Variants in NR0B2 observed in about 807,000 individuals in gnomAD.
NR0B2 encodes nuclear receptor subfamily 0 group B member 2.
A neutral mutation model predicts 18.9 loss-of-function variants in NR0B2; 17 were observed. The observed-to-expected ratio is 0.90, with a 90% CI of 0.62 to 1.35. The LOEUF is 1.35. Among genes scored for constraint, NR0B2 ranks in the 40% most tolerant of loss-of-function variants. NR0B2 has a pLI of 0.00. For missense variants in NR0B2, 312 were observed against 333.3 expected (o/e 0.94, Z 0.50); for synonymous variants, 116 against 138.5 (o/e 0.84, Z 1.14).
chr1:26,912,100 G>A lies in NR0B2; in HGVS notation c.533-14C>T, dbSNP rs372780699. On this transcript the variant is annotated splice_polypyrimidine_tract_variant and intron_variant, in intron 1 of 1. Coordinates refer to ENST00000254227, the MANE Select transcript of NR0B2 (RefSeq NM_021969.3). ...GGCCTGGCACATCTGTGGGCAGAGA[G>A]GGAGAAGAGGGCTGGTGAGCACCCT... The A allele has an allele frequency of 1.2e-6, 2 of 1,612,676 alleles. No homozygotes were observed. The highest frequency in any genetic ancestry group is 2.7e-5 in the African/African-American group (2 of 74,888).
chr1:26,912,475 A>G (rs2082034340), intron 1 of NR0B2, among the ~76,000 whole-genome samples: 1 of 152,182 alleles, frequency 6.6e-6, no homozygotes, highest in Admixed American at 6.5e-5. Flanking sequence ...ATGAACTAGT[A>G]TATGTAAAAC....
At position 26,913,609 on chromosome 1, in the gene NR0B2, T is replaced by C. The variant is rs2124072334; in HGVS notation, c.332A>G (p.Glu111Gly). ...AQDAVTFEVAEAPVPSILKKI... is the reference protein window; with the variant it reads ...AQDAVTFEVAGAPVPSILKKI... Reference sequence around the variant, plus strand: ...CTTGAGTATGCTGGGCACCGGGGCCTCAGCCACCTCAAAGGTCACAGCATC... The same window carrying C: ...CTTGAGTATGCTGGGCACCGGGGCCCCAGCCACCTCAAAGGTCACAGCATC... Residue 111 changes from glutamate to glycine, a missense_variant, in exon 1 of 2, where the codon GAG (glutamate) becomes GGG (glycine). Physicochemically the swap from Glu to Gly is moderately conservative, Grantham distance 98 (BLOSUM62 -2). Coordinates refer to ENST00000254227, the MANE Select transcript of NR0B2 (RefSeq NM_021969.3). 1 of 1,614,040 alleles carries C rather than the reference T, an allele frequency of 6.2e-7. No individual in the cohort carries two copies. The highest frequency in any genetic ancestry group is 1.7e-5 in the Admixed American group (1 of 60,010).
rs76740139 is a variant in NR0B2 at position 26,911,549 on chromosome 1, A to G, written c.*296T>C. 2,188 of 442,050 alleles carry G rather than the reference A, an allele frequency of 4.9e-3. 38 individuals carry two copies. The highest frequency in any genetic ancestry group is 0.038 in the African/African-American group (1,917 of 50,066). The allele number at this position is 442,050 out of a possible 1,614,324, so 27.4% of individuals were successfully genotyped here. On this transcript the variant is annotated 3_prime_UTR_variant, in exon 2 of 2. Transcript: ENST00000254227. ...TAATTCAGTTCTGTATAAAGTCGATAGGACTTCTGGTCCAATAAGCAGCCT... is the reference window on the plus strand; with the variant it reads ...TAATTCAGTTCTGTATAAAGTCGATGGGACTTCTGGTCCAATAAGCAGCCT...
Position 26,913,448 on chromosome 1 carries a change from C to T in NR0B2, c.493G>A (p.Glu165Lys). 6.2e-7 allele frequency: 1 copy of T among 1,614,092 alleles called. No individual in the cohort carries two copies. Among genetic ancestry groups the T allele is most frequent in the Non-Finnish European group, 8.5e-7 (1 of 1,180,026 alleles). The change falls in exon 1 of 2, where the codon GAA becomes AAA. Residue 165 changes from glutamate to lysine, a missense_variant. By Grantham distance (56) the Glu-to-Lys change is moderately conservative (BLOSUM62 1). Transcript: ENST00000254227. ...SFWSLELSPK[E>K]YACLKGTILF... Reference sequence around the variant, plus strand: ...ATGGTCCCTTTCAGGCAGGCATATTCCTTGGGGCTAAGCTCCAGGCTCCAG... The same window carrying T: ...ATGGTCCCTTTCAGGCAGGCATATTTCTTGGGGCTAAGCTCCAGGCTCCAG...
intron 1 of NR0B2, among the ~76,000 whole-genome samples, chr1:26,913,121 C>A (rs1224344399): frequency 6.6e-6 from 1 of 152,090 alleles, no homozygotes; most frequent in African/African-American, 2.4e-5. Flanking sequence ...CCCATCTCTA[C>A]TAAAAAGTAC....
rs1424695570 is a variant in NR0B2, at chr1:26,911,828, G to C, written c.*17C>G. On this transcript the variant is annotated 3_prime_UTR_variant, in exon 2 of 2. Transcript: ENST00000254227. ...GCCAGCCTCTGCCCACCTGATCTCTGCCTGGGCTGGAACAGGTCACCTGAG... is the reference window on the plus strand; with the variant it reads ...GCCAGCCTCTGCCCACCTGATCTCTCCCTGGGCTGGAACAGGTCACCTGAG... 6 of 1,613,966 alleles carry C rather than the reference G, an allele frequency of 3.7e-6. No homozygotes were observed. The highest frequency in any genetic ancestry group is 5.1e-6 in the Non-Finnish European group (6 of 1,180,006).
chr1:26,912,510 G>T (rs574835268), intron 1 of NR0B2, among the ~76,000 whole-genome samples: 2 of 152,186 alleles, frequency 1.3e-5, no homozygotes, highest in South Asian at 2.1e-4. Flanking sequence ...CTAACATATG[G>T]TAAGTGTGAT....
intron 1 of NR0B2, among the ~76,000 whole-genome samples, 162 bp from the exon 2 acceptor site, chr1:26,912,248 T>G (rs1231285382): frequency 6.6e-6 from 1 of 152,186 alleles, no homozygotes; most frequent in Non-Finnish European, 1.5e-5. Context: ...GGTAATTTAT[T>G]TATCAATTTT....
In NR0B2 at chr1:26,911,657, G is replaced by A. The variant is rs575553464; in HGVS notation, c.*188C>T. ...CCACCAAAAGCCTCCCAGGCAGCTG[G>A]AACACTGTGTCCAAACCAAGGAAGT... On this transcript the variant is annotated 3_prime_UTR_variant, in exon 2 of 2. Transcript: ENST00000254227. 1.0e-5 allele frequency: 7 copies of A among 678,202 alleles called. No homozygotes were observed. Among genetic ancestry groups the A allele is most frequent in the African/African-American group, 5.3e-5 (3 of 56,564 alleles). The allele number at this position is 678,202 out of a possible 1,614,324, so 42.0% of individuals were successfully genotyped here.
chr1:26,911,511 A>G lies in NR0B2; in HGVS notation c.*334T>C. On this transcript the variant is annotated 3_prime_UTR_variant, in exon 2 of 2. Coordinates refer to ENST00000254227, the MANE Select transcript of NR0B2 (RefSeq NM_021969.3). The stretch of plus-strand genomic sequence containing the variant: ...CAAGTGTTTCATACCTTTTATTACA[A>G]AAATCAATAACTTAATTCAGTTCTG... 2.8e-6 allele frequency: 1 copy of G among 360,406 alleles called. No individual in the cohort carries two copies. The highest frequency in any genetic ancestry group is 5.4e-6 in the Non-Finnish European group (1 of 186,374). The allele number at this position is 360,406 out of a possible 1,614,324, so 22.3% of individuals were successfully genotyped here. A position where few individuals can be genotyped will look rare whatever the true frequency, so the allele number is the denominator to read the frequency against.
At position 26,913,507 on chromosome 1, in the gene NR0B2, G is replaced by A. The variant is rs778073494; in HGVS notation, c.434C>T (p.Ala145Val). The change falls in exon 1 of 2, where the codon GCG becomes GTG. Residue 145 changes from alanine (A) to valine (V), a missense_variant. By Grantham distance (64) the Ala-to-Val change is moderately conservative. Coordinates refer to ENST00000254227, the MANE Select transcript of NR0B2 (RefSeq NM_021969.3). ...CAGACAGCATTGAAGCCACTGCACC[G>A]CAGCCAGGGAGGGCTGGGGTCTGTC... is the stretch of plus-strand genomic sequence containing the variant. ...LPDRPQPSLA[A>V]VQWLQCCLES... The A allele has an allele frequency of 6.6e-5, 107 of 1,613,254 alleles. No homozygotes were observed. Among genetic ancestry groups the A allele is most frequent in the Middle Eastern group, 1.7e-4 (1 of 6,058 alleles).
rs1353744503 is a variant in NR0B2 at position 26,913,651 on chromosome 1, A to C, written c.290T>G (p.Leu97Arg). The change falls in exon 1 of 2, where the codon CTG becomes CGG. Residue 97 changes from leucine (L) to arginine (R), a missense_variant. Transcript: ENST00000254227. ...CACAGCATCTTGGGCCAACCCAAGC[A>C]GGAAGAGGGGGCCCCAGCAACCCTG... ...LLQGCWGPLFLLGLAQDAVTF... is the reference protein window; with the variant it reads ...LLQGCWGPLFRLGLAQDAVTF... 4.3e-6 allele frequency: 7 copies of C among 1,613,790 alleles called. No individual in the cohort carries two copies. The highest frequency in any genetic ancestry group is 5.9e-6 in the Non-Finnish European group (7 of 1,179,878).
chr1:26,913,858 C>T lies in NR0B2; in HGVS notation c.83G>A (p.Ser28Asn). ...PAILYALLSS[S>N]LKAVPRPRSR... is the part of the protein sequence containing the mutation. The stretch of plus-strand genomic sequence containing the variant: ...ACGGGGTCGGGGGACAGCCTTGAGG[C>T]TGGAGCTCAGAAGTGCGTAGAGAAT... Residue 28 changes from serine to asparagine, a missense_variant, in exon 1 of 2, where the codon AGC becomes AAC. By Grantham distance (46) the Ser-to-Asn change is conservative. Transcript: ENST00000254227. 6.6e-7 allele frequency: 1 copy of T among 1,507,142 alleles called. No individual in the cohort carries two copies. Among genetic ancestry groups the T allele is most frequent in the Non-Finnish European group, 8.9e-7 (1 of 1,127,128 alleles). The allele number at this position is 1,507,142 out of a possible 1,614,324, so 93.4% of individuals were successfully genotyped here. A position where few individuals can be genotyped will look rare whatever the true frequency, so the allele number is the denominator to read the frequency against.
At chr1:26,912,582 C>T (rs910621727) in intron 1 of NR0B2, among the ~76,000 whole-genome samples, 3 of 152,120 alleles carry the variant, frequency 2.0e-5, no homozygotes, top group African/African-American at 7.2e-5. Context: ...ACAAGGGACT[C>T]CTGGGGAACT....
intron 1 of NR0B2, among the ~76,000 whole-genome samples, chr1:26,912,407 G>A (rs557917306): frequency 3.6e-4 from 54 of 152,088 alleles, no homozygotes; most frequent in Non-Finnish European, 5.1e-4. Context: ...TTCTTTATCT[G>A]TAAAACGGGA....
intron 1 of NR0B2, among the ~76,000 whole-genome samples, chr1:26,912,532 C>T (rs980564469): frequency 6.6e-6 from 1 of 152,028 alleles, no homozygotes; most frequent in Non-Finnish European, 1.5e-5. Flanking sequence ...TGAGTATTTG[C>T]TACTATTATT....
Position 26,911,838 on chromosome 1 carries a change from G to T in NR0B2, c.*7C>A. 1 of 1,614,146 alleles carries T rather than the reference G, an allele frequency of 6.2e-7. No individual in the cohort carries two copies. The highest frequency in any genetic ancestry group is 8.5e-7 in the Non-Finnish European group (1 of 1,180,028). On this transcript the variant is annotated 3_prime_UTR_variant, in exon 2 of 2. Transcript: ENST00000254227. Reference sequence around the variant, plus strand: ...GCCCACCTGATCTCTGCCTGGGCTGGAACAGGTCACCTGAGCAAAAGCATG... The same window carrying T: ...GCCCACCTGATCTCTGCCTGGGCTGTAACAGGTCACCTGAGCAAAAGCATG...
chr1:26,913,304 A>C, intron 1 of NR0B2, 105 bp downstream of exon 1: 1 of 1,029,780 alleles, frequency 9.7e-7, no homozygotes, highest in Non-Finnish European at 1.5e-6. Context: ...TAAAAAGAAA[A>C]TGAGGACCCA....
In NR0B2 at chr1:26,912,031, G is replaced by T. The variant is rs770359977; in HGVS notation, c.588C>A (p.His196Gln). 8.1e-6 allele frequency: 13 copies of T among 1,614,078 alleles called. No individual in the cohort carries two copies. The African/African-American group carries it at 1.2e-4, about 15-fold the overall frequency. Residue 196 changes from histidine (H) to glutamine (Q), a missense_variant, in exon 2 of 2, where the codon CAC becomes CAA. By Grantham distance (24) the His-to-Gln change is conservative. Coordinates refer to ENST00000254227, the MANE Select transcript of NR0B2 (RefSeq NM_021969.3). ...GTTCCAGGACTTCACACAGCACCCA[G>T]TGAGCCTCCTGCTGCAGGTGCCCAA... ...SHIGHLQQEA[H>Q]WVLCEVLEPW... is the part of the protein sequence containing the mutation.
Sources: gnomAD v4.1 joint callset for allele counts (sites outside exome capture counted in the v4.1 genomes callset) on GRCh38, gnomAD v4.1.1 for gene constraint, MANE v1.5 for transcripts, NCBI Gene and HGNC (gene_info 2026-07-23, HGNC 2026-07-21) for gene names.